The following CPEB3 variants were observed in gnomAD, a reference collection of about 807,000 sequenced individuals.
The protein encoded by CPEB3 is cytoplasmic polyadenylation element-binding protein 3.
In CPEB3, 20 loss-of-function variants were observed where a neutral mutation model predicts 67.2. That is an observed-to-expected ratio of 0.30 (90% CI 0.21 to 0.43). The LOEUF (loss-of-function observed/expected upper bound fraction) is 0.43, where lower values mean the gene tolerates loss of function less well. CPEB3 is among the 20% of genes least tolerant of loss of function. The pLI is 1.00. For missense variants in CPEB3, 746 were observed against 968.6 expected, an observed-to-expected ratio of 0.77 and a Z score of 3.05; for synonymous variants, 376 against 393.1, an observed-to-expected ratio of 0.96 and a Z score of 0.51.
At chr10:92,053,544 C>CTTTTTT in intron 9 of CPEB3, among the ~76,000 whole-genome samples, 1 of 108,068 alleles carries the variant, frequency 9.3e-6, no homozygotes, top group Non-Finnish European at 1.8e-5. Flanking sequence ...TTTTCTTTTT[C>CTTTTTT]TTTTTTTTTT....
chr10:92,138,958 TC>T (rs1846251519), intron 6 of CPEB3, among the ~76,000 whole-genome samples: 1 of 152,182 alleles, frequency 6.6e-6, no homozygotes, highest in African/African-American at 2.4e-5. Flanking sequence ...CTTTATCCAT[TC>T]ATCAACAGAC....
intron 9 of CPEB3, among the ~76,000 whole-genome samples, chr10:92,080,131 C>A (rs559397395): frequency 6.7e-6 from 1 of 149,660 alleles, no homozygotes; most frequent in African/African-American, 2.5e-5. Flanking sequence ...GGCGTGAACC[C>A]GGGAGGCGGA....
intron 9 of CPEB3, among the ~76,000 whole-genome samples, chr10:92,066,997 C>T (rs1359296910): frequency 1.3e-5 from 2 of 150,986 alleles, no homozygotes; most frequent in East Asian, 3.9e-4. Flanking sequence ...TGCAGTGAGT[C>T]GAGATCACGC....
intron 1 of CPEB3, among the ~76,000 whole-genome samples, chr10:92,276,875 G>C (rs375572253): frequency 0.22 from 33,753 of 152,090 alleles, 4,699 homozygotes; most frequent in Middle Eastern, 0.34. Flanking sequence ...ATGATGGCTA[G>C]TCATCCTGGT....
intron 6 of CPEB3, among the ~76,000 whole-genome samples, chr10:92,114,616 C>T (rs1234858689): frequency 3.3e-5 from 5 of 152,216 alleles, no homozygotes. Flanking sequence ...TGGACATTAA[C>T]TCATTTCATC....
intron 9 of CPEB3, among the ~76,000 whole-genome samples, chr10:92,080,408 C>T (rs1843101126): frequency 6.6e-6 from 1 of 152,110 alleles, no homozygotes. Flanking sequence ...TTCATGCCCC[C>T]TCTTTACATC....
intron 1 of CPEB3, among the ~76,000 whole-genome samples, chr10:92,269,489 A>G (rs545595603): frequency 1.6e-4 from 25 of 152,124 alleles, no homozygotes; most frequent in Non-Finnish European, 3.5e-4. Context: ...ACTTTTTTAT[A>G]CATGTTGCTG....
chr10:92,164,752 C>A (rs1367812610), intron 4 of CPEB3, among the ~76,000 whole-genome samples: 1 of 152,186 alleles, frequency 6.6e-6, no homozygotes, highest in African/African-American at 2.4e-5. Flanking sequence ...TATTTCAAAT[C>A]TATAAAGACC....
At chr10:92,106,814 C>CAAAAAAAAAAAAAAAAAAAAAAAAAAG (rs1844488011) in intron 7 of CPEB3, among the ~76,000 whole-genome samples, 2 of 55,974 alleles carry the variant, frequency 3.6e-5, no homozygotes, top group Non-Finnish European at 6.1e-5. Context: ...GACTCTGTCT[C>CAAAAAAAAAAAAAAAAAAAAAAAAAAG]AAAAAAAAAA....
chr10:92,214,556 C>G (rs570741904), intron 2 of CPEB3, among the ~76,000 whole-genome samples: 2 of 152,204 alleles, frequency 1.3e-5, no homozygotes, highest in Admixed American at 1.3e-4. Context: ...GATCTCAACT[C>G]ACTGTAACCT....
Position 92,145,100 on chromosome 10 carries a change from A to G in CPEB3, c.1223-15T>C, listed in dbSNP as rs997606689. 6.2e-7 allele frequency: 1 copy of G among 1,613,508 alleles called. No individual in the cohort carries two copies. Among genetic ancestry groups the G allele is most frequent in the African/African-American group, 1.3e-5 (1 of 74,914 alleles). ...CAGGAAGGCATCTTCAAAGGGAAAG[A>G]GAGAAGATCGACCTGAAACAAATGT... On this transcript the variant is annotated splice_polypyrimidine_tract_variant and intron_variant, in intron 4 of 9. Transcript: ENST00000265997.
chr10:92,262,125 T>C (rs1362261130), intron 1 of CPEB3, among the ~76,000 whole-genome samples: 1 of 152,166 alleles, frequency 6.6e-6, no homozygotes, highest in Non-Finnish European at 1.5e-5. Context: ...ATGCACCAAA[T>C]GTCCTAAGAG....
chr10:92,143,098 G>A lies in CPEB3; in HGVS notation c.1384C>T (p.Arg462Cys), dbSNP rs767383587. 4 of 1,613,080 alleles carry A rather than the reference G, an allele frequency of 2.5e-6. No homozygotes were observed. The highest frequency in any genetic ancestry group is 8.5e-7 in the Non-Finnish European group (1 of 1,179,490). Residue 462 changes from arginine (R) to cysteine (C), a missense_variant, in exon 6 of 10, where the codon CGC (arginine) becomes TGC (cysteine). Arg to Cys is a radical substitution (Grantham distance 180, BLOSUM62 -3). Around this residue, in one of 2 missense-constraint regions of CPEB3, gnomAD observed 643 missense variants for 717.5 expected, o/e 0.90. Transcript: ENST00000265997. The part of the protein sequence containing the change: ...IDEDEITASF[R>C]RFGPLVVDWP... ...TCTACTACGAGAGGTCCAAACCTGC[G>A]AAAGCTGGCAGTGATCTCATCTACA... is the stretch of plus-strand genomic sequence containing the variant.
intron 7 of CPEB3, among the ~76,000 whole-genome samples, chr10:92,109,728 T>A (rs190540088): frequency 1.5e-3 from 230 of 152,316 alleles, no homozygotes; most frequent in African/African-American, 5.4e-3. Context: ...TACTCTCCAA[T>A]GAATACTCTC....
chr10:92,268,821 G>C (rs60968131), intron 1 of CPEB3, among the ~76,000 whole-genome samples: 1 of 152,078 alleles, frequency 6.6e-6, no homozygotes, highest in South Asian at 2.1e-4. Flanking sequence ...CAACCATTGG[G>C]GTGGGGAGAT....
chr10:92,143,459 T>C (rs1365980786), intron 5 of CPEB3, among the ~76,000 whole-genome samples: 8 of 152,184 alleles, frequency 5.3e-5, no homozygotes, highest in African/African-American at 1.7e-4. Context: ...GTTCTCTGAT[T>C]TTAGTAAGAA....
At chr10:92,054,290 A>G (rs567418562) in intron 9 of CPEB3, among the ~76,000 whole-genome samples, 12 of 149,202 alleles carry the variant, frequency 8.0e-5, no homozygotes, top group Admixed American at 2.0e-4. Context: ...TGGCTCTTAA[A>G]GAAAAAAAAA....
chr10:92,129,135 A>G (rs1017639029), intron 6 of CPEB3, among the ~76,000 whole-genome samples: 1 of 152,266 alleles, frequency 6.6e-6, no homozygotes, highest in Non-Finnish European at 1.5e-5. Flanking sequence ...CGTGGTACAT[A>G]TATACCATGG....
At chr10:92,145,404 G>A (rs538625348) in intron 4 of CPEB3, among the ~76,000 whole-genome samples, 3 of 152,090 alleles carry the variant, frequency 2.0e-5, no homozygotes, top group East Asian at 1.9e-4. Flanking sequence ...TGAGGTGGGC[G>A]CATCACCTGA....
Sources: gnomAD v4.1 joint callset for allele counts (sites outside exome capture counted in the v4.1 genomes callset) on GRCh38, gnomAD v4.1.1 for gene constraint, gnomAD v4.1.1 regional missense constraint, MANE v1.5 for transcripts, NCBI Gene and HGNC (gene_info 2026-07-23, HGNC 2026-07-21) for gene names.